Variants in OSBPL6 observed in about 807,000 individuals in gnomAD.
OSBPL6 encodes the protein oxysterol-binding protein-related protein 6.
A neutral mutation model predicts 125.8 loss-of-function variants in OSBPL6; 49 were observed. The observed-to-expected ratio is 0.39, with a 90% CI of 0.31 to 0.49. OSBPL6 has a LOEUF of 0.49. Among genes scored for constraint, OSBPL6 ranks in the 20% least tolerant of loss-of-function variants. The probability of loss-of-function intolerance (pLI) is 0.88; values close to 1 mark genes in which losing one functional copy is unlikely to be tolerated. For missense variants in OSBPL6, 986 were observed against 1,135.4 expected, an observed-to-expected ratio of 0.87 and a Z score of 1.89; for synonymous variants, 394 against 391.8, an observed-to-expected ratio of 1.01 and a Z score of -0.07.
At chr2:178,281,041 G>A (rs777895299) in intron 1 of OSBPL6, among the ~76,000 whole-genome samples, 45 of 144,526 alleles carry the variant, frequency 3.1e-4, no homozygotes, top group Non-Finnish European at 5.7e-4. Context: ...TTGAGATGGA[G>A]TCTTACTCTG....
intron 13 of OSBPL6, among the ~76,000 whole-genome samples, chr2:178,371,064 T>A (rs935081513): frequency 2.0e-5 from 3 of 152,248 alleles, no homozygotes; most frequent in African/African-American, 7.2e-5. Flanking sequence ...TGGCTCTGAA[T>A]GAAGCGGAAT....
chr2:178,261,421 A>G (rs986608360), intron 1 of OSBPL6, among the ~76,000 whole-genome samples: 4 of 152,026 alleles, frequency 2.6e-5, no homozygotes, highest in African/African-American at 9.7e-5. Flanking sequence ...AGGAAGAAAA[A>G]CGTAAGAGAA....
intron 1 of OSBPL6, among the ~76,000 whole-genome samples, chr2:178,233,786 C>T (rs1013499862): frequency 9.9e-5 from 15 of 152,260 alleles, no homozygotes; most frequent in Admixed American, 8.5e-4. Flanking sequence ...CCACCTCATG[C>T]GTTGTTGTGA....
rs751255951 is a variant in OSBPL6, at chr2:178,336,414, G to A, written c.771G>A (p.Glu257=). Residue 257 remains glutamate, a synonymous_variant, in exon 9 of 25, where the codon GAG becomes GAA. Transcript: ENST00000190611. The part of the protein sequence containing the change: ...KVAAWLQDSE[E]MDRCAEDLAH... ...CAGCCTGGTTACAGGACTCGGAAGAGATGGACAGGTGTGCAGAAGGTTAGT... is the reference window on the plus strand; with the variant it reads ...CAGCCTGGTTACAGGACTCGGAAGAAATGGACAGGTGTGCAGAAGGTTAGT... The A allele has an allele frequency of 2.2e-5, 35 of 1,614,082 alleles. No individual in the cohort carries two copies. Among genetic ancestry groups the A allele is most frequent in the Non-Finnish European group, 2.8e-5 (33 of 1,179,996 alleles).
chr2:178,232,531 A>T (rs1025738402), intron 1 of OSBPL6, among the ~76,000 whole-genome samples: 1 of 152,222 alleles, frequency 6.6e-6, no homozygotes, highest in South Asian at 2.1e-4. Flanking sequence ...CTGTACTATA[A>T]GGTAGTCGTG....
At chr2:178,243,185 C>T (rs2091357238) in intron 1 of OSBPL6, among the ~76,000 whole-genome samples, 1 of 152,130 alleles carries the variant, frequency 6.6e-6, no homozygotes, top group African/African-American at 2.4e-5. Context: ...GTTCCCATCC[C>T]ATTGGCCTGC....
intron 13 of OSBPL6, among the ~76,000 whole-genome samples, chr2:178,362,849 AG>A (rs1220228674): frequency 3.9e-5 from 6 of 152,188 alleles, no homozygotes; most frequent in South Asian, 2.1e-4. Flanking sequence ...GTATAAAGCC[AG>A]GGGTCTCAGG....
At chr2:178,330,641 C>T (rs1195254258) in intron 5 of OSBPL6, among the ~76,000 whole-genome samples, 1 of 152,184 alleles carries the variant, frequency 6.6e-6, no homozygotes, top group Non-Finnish European at 1.5e-5. Context: ...TTACAGAAGG[C>T]GATCCCGAGG....
rs116414228 is a variant in OSBPL6 at position 178,201,230 on chromosome 2, A to G, written c.-351+6556A>G. On this transcript the variant is annotated intron_variant, in intron 1 of 24. Transcript: ENST00000190611. The stretch of plus-strand genomic sequence containing the variant: ...TGTCCAAAGAAAATATTGGTGGGCA[A>G]TGTTGGGAGTTAGCAGTTTGTAGGC... 9.1e-4 allele frequency among the ~76,000 whole-genome samples: 139 copies of G among 152,346 alleles called. 2 individuals are homozygous for G. Among genetic ancestry groups the G allele is most frequent in the African/African-American group, 3.2e-3 (134 of 41,582 alleles).
chr2:178,265,191 CTTTTTTTT>C (rs376718500), intron 1 of OSBPL6, among the ~76,000 whole-genome samples: 94 of 33,708 alleles, frequency 2.8e-3, no homozygotes, highest in African/African-American at 9.6e-3. Flanking sequence ...CCAGACGAGA[CTTTTTTTT>C]TTTTTTTTTT....
chr2:178,202,167 A>T (rs1473489041), intron 1 of OSBPL6, among the ~76,000 whole-genome samples: 1 of 152,216 alleles, frequency 6.6e-6, no homozygotes, highest in African/African-American at 2.4e-5. Context: ...TCTTTTAAAG[A>T]TATGTAAATG....
intron 1 of OSBPL6, among the ~76,000 whole-genome samples, chr2:178,224,337 G>A (rs1028707676): frequency 2.0e-5 from 3 of 152,032 alleles, no homozygotes; most frequent in African/African-American, 4.8e-5. Flanking sequence ...AATGCAGATT[G>A]AAAAGTTATG....
chr2:178,302,551 T>C (rs1686391936), intron 2 of OSBPL6, among the ~76,000 whole-genome samples: 1 of 152,194 alleles, frequency 6.6e-6, no homozygotes, highest in South Asian at 2.1e-4. Flanking sequence ...AAAGGGCATC[T>C]CATTCAACTT....
At chr2:178,388,542 T>G (rs1194982652) in intron 20 of OSBPL6, among the ~76,000 whole-genome samples, 1 of 152,178 alleles carries the variant, frequency 6.6e-6, no homozygotes. Context: ...TTCTGACCTT[T>G]GTGGCTCTGT....
intron 1 of OSBPL6, among the ~76,000 whole-genome samples, chr2:178,249,828 T>G (rs944201147): frequency 2.4e-5 from 1 of 40,832 alleles, no homozygotes. Flanking sequence ...ACTAGAAGTG[T>G]TTTTTTTTTT....
intron 4 of OSBPL6, among the ~76,000 whole-genome samples, chr2:178,326,015 C>A (rs1688666522): frequency 6.6e-6 from 1 of 152,110 alleles, no homozygotes; most frequent in Non-Finnish European, 1.5e-5. Context: ...CTCATGAAAT[C>A]AGAGGGCCAT....
chr2:178,251,233 A>T (rs2091682474), intron 1 of OSBPL6, among the ~76,000 whole-genome samples: 1 of 152,150 alleles, frequency 6.6e-6, no homozygotes, highest in Non-Finnish European at 1.5e-5. Flanking sequence ...CTGGTCAGAG[A>T]GCCCACAGTG....
At chr2:178,384,281 G>C in intron 18 of OSBPL6, 105 bp downstream of exon 18, 1 of 1,414,156 alleles carries the variant, frequency 7.1e-7, no homozygotes, top group Non-Finnish European at 9.7e-7. Flanking sequence ...TATGATACCA[G>C]TTGTGAATTC....
chr2:178,320,142 G>T, intron 3 of OSBPL6: 1 of 955,046 alleles, frequency 1.0e-6, no homozygotes. Flanking sequence ...CTCTCCGCGT[G>T]AGTTGCACCA....
Sources: allele counts gnomAD v4.1 joint callset (sites outside exome capture counted in the v4.1 genomes callset), GRCh38; gene constraint gnomAD v4.1.1; transcripts MANE v1.5; gene names NCBI Gene and HGNC (gene_info 2026-07-23, HGNC 2026-07-21).